Variants in BLTP1 observed in about 807,000 individuals in gnomAD.
BLTP1 encodes bridge-like lipid transfer protein family member 1, also known as fragile site-associated protein.
At chr4:122,186,920 C>A in the BLTP1 span, 1 of 704,532 alleles carries the variant, frequency 1.4e-6, no homozygotes, top group African/African-American at 1.9e-5. Flanking sequence ...TTTTCTTACT[C>A]TTGGCTTATC....
the BLTP1 span, chr4:122,224,646 G>T: frequency 6.2e-7 from 1 of 1,614,026 alleles, no homozygotes; most frequent in East Asian, 2.2e-5. Flanking sequence ...GTGCAGGCTG[G>T]AAGTCTTACA....
the BLTP1 span, chr4:122,256,183 T>C: frequency 2.0e-6 from 2 of 984,702 alleles, no homozygotes; most frequent in African/African-American, 3.5e-5. Context: ...ATCAGTATTA[T>C]TAATGGCCAG....
the BLTP1 span, chr4:122,152,378 C>A: frequency 2.0e-6 from 2 of 985,754 alleles, no homozygotes; most frequent in South Asian, 9.4e-5. Context: ...CTCCTCCGCC[C>A]CCTTGGGTGT....
chr4:122,309,346 A>G, the BLTP1 span: 1 of 1,613,558 alleles, frequency 6.2e-7, no homozygotes, highest in Non-Finnish European at 8.5e-7. Flanking sequence ...CATGCTCTTC[A>G]GAGTCTCTGG....
At chr4:122,316,425 C>A in the BLTP1 span, 2 of 479,616 alleles carry the variant, frequency 4.2e-6, no homozygotes, top group East Asian at 6.6e-5. Context: ...ACCTACTAGG[C>A]CTGACACCCC....
At chr4:122,264,380 G>C in the BLTP1 span, 2 of 1,611,290 alleles carry the variant, frequency 1.2e-6, no homozygotes, top group South Asian at 2.2e-5. Context: ...GGCAGGTGTA[G>C]AAGAAGCAAA....
the BLTP1 span, among the ~76,000 whole-genome samples, chr4:122,194,186 T>C: frequency 6.6e-6 from 1 of 152,204 alleles, no homozygotes; most frequent in Non-Finnish European, 1.5e-5. Context: ...CTAAGAAGGC[T>C]GGTTGAGGTA....
the BLTP1 span, chr4:122,264,264 A>AT: frequency 6.2e-7 from 1 of 1,602,758 alleles, no homozygotes; most frequent in Non-Finnish European, 8.5e-7. Flanking sequence ...GTTGCACCCA[A>AT]TCTTCCAACA....
At chr4:122,254,359 TAA>T in the BLTP1 span, 1 of 1,551,234 alleles carries the variant, frequency 6.4e-7, no homozygotes, top group Middle Eastern at 1.7e-4. Context: ...AAAGAGTTTT[TAA>T]AATATAGTAG....
At chr4:122,206,932 C>T in the BLTP1 span, 1 of 158,418 alleles carries the variant, frequency 6.3e-6, no homozygotes, top group East Asian at 1.9e-4. Flanking sequence ...AAGTAAACAT[C>T]TGTTTACTGT....
the BLTP1 span, among the ~76,000 whole-genome samples, chr4:122,244,411 C>G: frequency 6.6e-6 from 1 of 152,012 alleles, no homozygotes; most frequent in South Asian, 2.1e-4. Context: ...CCCACAAATA[C>G]TGTATTCTGA....
chr4:122,323,154 A>T, the BLTP1 span, among the ~76,000 whole-genome samples: 2 of 152,220 alleles, frequency 1.3e-5, no homozygotes, highest in Admixed American at 6.6e-5. Context: ...TGGTTCCTGC[A>T]GCAGTTTTTA....
chr4:122,336,090 A>T, the BLTP1 span: 1 of 860,324 alleles, frequency 1.2e-6, no homozygotes, highest in South Asian at 2.0e-5. Context: ...TAAGGCCTTA[A>T]ATGTGAGGTA....
chr4:122,298,680 TA>T, the BLTP1 span: 1 of 46,988 alleles, frequency 2.1e-5, no homozygotes, highest in Non-Finnish European at 3.4e-5. Context: ...CATATAATAA[TA>T]AAAAGATTTA....
the BLTP1 span, among the ~76,000 whole-genome samples, chr4:122,182,027 C>T: frequency 6.6e-6 from 1 of 151,800 alleles, no homozygotes; most frequent in African/African-American, 2.4e-5. Context: ...ATCATTGGCA[C>T]ACAAAAAATT....
chr4:122,219,372 G>C, the BLTP1 span: 1 of 1,613,810 alleles, frequency 6.2e-7, no homozygotes. Flanking sequence ...ACATGTATAT[G>C]GATTTTGAAG....
At chr4:122,329,572 C>T in the BLTP1 span, among the ~76,000 whole-genome samples, 3 of 150,482 alleles carry the variant, frequency 2.0e-5, no homozygotes. Context: ...TAACAGTAAT[C>T]GGACATTTGC....
chr4:122,349,944 A>G, the BLTP1 span: 1 of 1,613,930 alleles, frequency 6.2e-7, no homozygotes, highest in Non-Finnish European at 8.5e-7. This position sits in a 1 kb window ranked among gnomAD's most constrained non-coding sequence, Gnocchi z 4.5. Context: ...TAAAAATAGG[A>G]ATGAAGCTCC....
chr4:122,249,744 T>C, the BLTP1 span: 2 of 1,586,186 alleles, frequency 1.3e-6, no homozygotes, highest in East Asian at 4.5e-5. Flanking sequence ...ATTGCAGAAA[T>C]GTTTTGAACA....
Sources: allele counts gnomAD v4.1 joint callset (sites outside exome capture counted in the v4.1 genomes callset), GRCh38; gene constraint gnomAD v4.1.1; non-coding constraint Gnocchi (gnomAD v3.1); transcripts MANE v1.5; gene names NCBI Gene and HGNC (gene_info 2026-07-23, HGNC 2026-07-21).